Variants in GK5 observed in about 807,000 individuals in gnomAD.
GK5 encodes ATP:glycerol 3-phosphotransferase 5.
GK5 carries 39 observed loss-of-function variants against 77.3 expected under a neutral mutation model. The observed-to-expected ratio is 0.50, with a 90% CI of 0.39 to 0.66. The LOEUF (loss-of-function observed/expected upper bound fraction) is 0.66, where lower values mean the gene tolerates loss of function less well. Ranked by LOEUF, GK5 falls within the 30% of genes least tolerant of loss-of-function variation. GK5 has a pLI of 0.00. For missense variants in GK5, 487 were observed against 633.8 expected (o/e 0.77, Z 2.49); for synonymous variants, 211 against 208.0 (o/e 1.01, Z -0.13).
In GK5 at chr3:142,161,630, T is replaced by C. The variant is rs1436440742; in HGVS notation, c.*3992A>G. 6.6e-6 allele frequency: 1 copy of C among 152,156 alleles called. No individual in the cohort carries two copies. The highest frequency in any genetic ancestry group is 1.5e-5 in the Non-Finnish European group (1 of 68,038). The allele number at this position is 152,156 out of a possible 1,614,324, so 9.4% of individuals were successfully genotyped here. On this transcript the variant is annotated 3_prime_UTR_variant, in exon 16 of 16. Coordinates refer to ENST00000392993, the MANE Select transcript of GK5 (RefSeq NM_001039547.3). Reference sequence around the variant, plus strand: ...GATTAAAGAGAATGATGATCTCCTTTGTTCAGAGATAAAAAGGAAGCAAAA... The same window carrying C: ...GATTAAAGAGAATGATGATCTCCTTCGTTCAGAGATAAAAAGGAAGCAAAA...
chr3:142,187,604 C>CAA (rs57206350), intron 6 of GK5, 100 bp downstream of exon 6: 1,468 of 656,866 alleles, frequency 2.2e-3, no homozygotes, highest in Non-Finnish European at 2.5e-3. Flanking sequence ...GACCCTAGCT[C>CAA]AAAAAAAAAA....
At chr3:142,212,370 C>T (rs986225817) in intron 3 of GK5, among the ~76,000 whole-genome samples, 15 of 151,844 alleles carry the variant, frequency 9.9e-5, no homozygotes, top group Admixed American at 3.3e-4. Context: ...CCCGTCTCTA[C>T]AAAAAATACA....
chr3:142,187,331 C>T (rs1577122277), intron 6 of GK5, among the ~76,000 whole-genome samples: 1 of 151,798 alleles, frequency 6.6e-6, no homozygotes, highest in Admixed American at 6.6e-5. Context: ...TGACCAGGTG[C>T]AGTGGCTTAC....
Position 142,177,719 on chromosome 3 carries a change from G to C in GK5, c.1049-143C>G, listed in dbSNP as rs1240691625. On this transcript the variant is annotated intron_variant, in intron 11 of 15. Coordinates refer to ENST00000392993, the MANE Select transcript of GK5 (RefSeq NM_001039547.3). ...ATGTAAAAGATTGCTCACTTAAAAG[G>C]GTCAGCACAAAGACCATTCTGTTCT... The C allele has an allele frequency of 6.6e-6, 4 of 608,868 alleles. No individual in the cohort carries two copies. In the Admixed American group the frequency reaches 9.0e-5, roughly 14 times the overall value. 37.7% of individuals were successfully genotyped at this position (608,868 alleles called of 1,614,324 possible).
Position 142,185,997 on chromosome 3 carries a change from T to C in GK5, c.756-8A>G. 6.3e-7 allele frequency: 1 copy of C among 1,593,070 alleles called. No individual in the cohort carries two copies. Among genetic ancestry groups the C allele is most frequent in the South Asian group, 1.1e-5 (1 of 89,240 alleles). On this transcript the variant is annotated splice_region_variant and splice_polypyrimidine_tract_variant and intron_variant, in intron 8 of 15. Transcript: ENST00000392993. ...ACTGATCCAAAATTGTGGCTTCAAA[T>C]AAAATTCATTAAAAAGTTAGTTACA...
chr3:142,219,002 C>T (rs984880349), intron 1 of GK5, among the ~76,000 whole-genome samples: 1 of 152,166 alleles, frequency 6.6e-6, no homozygotes, highest in Non-Finnish European at 1.5e-5. Context: ...AGATATTCAG[C>T]ATCATTAGCC....
intron 1 of GK5, among the ~76,000 whole-genome samples, chr3:142,216,050 C>T (rs1027217404): frequency 2.6e-5 from 4 of 152,060 alleles, no homozygotes. Context: ...AAGCACACTC[C>T]ACCCTGTCTC....
intron 1 of GK5, among the ~76,000 whole-genome samples, chr3:142,216,090 C>G (rs1195483051): frequency 1.3e-5 from 2 of 152,150 alleles, no homozygotes; most frequent in African/African-American, 2.4e-5. Flanking sequence ...AACACCTGGA[C>G]AGAATGCATG....
intron 9 of GK5, among the ~76,000 whole-genome samples, chr3:142,184,359 T>G (rs1366465694): frequency 6.6e-6 from 1 of 151,502 alleles, no homozygotes; most frequent in Non-Finnish European, 1.5e-5. Flanking sequence ...TTTGTTTCAT[T>G]CATTAGTCAA....
In GK5 at chr3:142,158,707, T is replaced by C. The variant is rs907258566; in HGVS notation, c.*6915A>G. On this transcript the variant is annotated 3_prime_UTR_variant, in exon 16 of 16. Coordinates refer to ENST00000392993, the MANE Select transcript of GK5 (RefSeq NM_001039547.3). ...ATCTACATTTACCATCTTGTACAAA[T>C]AGGAAAGTTTCTAATAACTTATTAA... is the stretch of plus-strand genomic sequence containing the variant. 12 of 152,562 alleles carry C rather than the reference T, an allele frequency of 7.9e-5. No homozygotes were observed. The highest frequency in any genetic ancestry group is 2.7e-4 in the African/African-American group (11 of 41,430). 9.5% of individuals were successfully genotyped at this position (152,562 alleles called of 1,614,324 possible). A position where few individuals can be genotyped will look rare whatever the true frequency, so the allele number is the denominator to read the frequency against.
At chr3:142,184,130 A>T (rs1230738784) in intron 9 of GK5, among the ~76,000 whole-genome samples, 1 of 151,504 alleles carries the variant, frequency 6.6e-6, no homozygotes, top group Non-Finnish European at 1.5e-5. Flanking sequence ...GCGTGGTGGC[A>T]GGTGCCTGTA....
At chr3:142,173,572 T>C (rs2063567872) in intron 12 of GK5, among the ~76,000 whole-genome samples, 1 of 152,106 alleles carries the variant, frequency 6.6e-6, no homozygotes, top group African/African-American at 2.4e-5. Context: ...TAGTCCCAGC[T>C]GCTCGGGAGG....
intron 1 of GK5, among the ~76,000 whole-genome samples, chr3:142,224,719 A>C (rs1404206877): frequency 2.0e-5 from 3 of 152,206 alleles, no homozygotes; most frequent in Admixed American, 6.5e-5. Context: ...TCAGTTGCTC[A>C]CGTAAGGAAC....
At chr3:142,193,005 G>A (rs990299428) in intron 5 of GK5, among the ~76,000 whole-genome samples, 1 of 152,134 alleles carries the variant, frequency 6.6e-6, no homozygotes, top group Non-Finnish European at 1.5e-5. Context: ...CCAGGGTTCA[G>A]AAAGAGATGT....
chr3:142,165,732 G>T lies in GK5; in HGVS notation c.1480C>A (p.Gln494Lys). The T allele has an allele frequency of 1.2e-6, 2 of 1,612,078 alleles. No homozygotes were observed. Among genetic ancestry groups the T allele is most frequent in the Non-Finnish European group, 1.7e-6 (2 of 1,178,948 alleles). Reference protein sequence around the residue: ...TDKEELKKLRQSEVVFKPQKK... With the variant: ...TDKEELKKLRKSEVVFKPQKK... The stretch of plus-strand genomic sequence containing the variant: ...TGTGGCTTGAAAACCACTTCACTTT[G>T]TCTCAGTTTCTTTAGTTCCTCCTTG... The change falls in exon 16 of 16, where the codon CAA becomes AAA. Residue 494 changes from glutamine to lysine, a missense_variant. Physicochemically the swap from Gln to Lys is moderately conservative, Grantham distance 53. Around this residue, in one of 4 missense-constraint regions of GK5, gnomAD observed 65 missense variants for 89.9 expected, o/e 0.72. Transcript: ENST00000392993.
chr3:142,187,335 G>A (rs1284110770), intron 6 of GK5, among the ~76,000 whole-genome samples: 4 of 151,990 alleles, frequency 2.6e-5, no homozygotes, highest in African/African-American at 7.3e-5. Flanking sequence ...CAGGTGCAGT[G>A]GCTTACGCCT....
intron 5 of GK5, among the ~76,000 whole-genome samples, chr3:142,197,833 G>A (rs879672795): frequency 3.9e-5 from 6 of 151,916 alleles, no homozygotes; most frequent in Non-Finnish European, 7.4e-5. Flanking sequence ...GACCAGCCTG[G>A]ACAACATGGT....
intron 5 of GK5, among the ~76,000 whole-genome samples, chr3:142,190,592 C>T (rs2063834776): frequency 6.6e-6 from 1 of 152,144 alleles, no homozygotes; most frequent in African/African-American, 2.4e-5. Flanking sequence ...ATAAAACACA[C>T]TAAACCTAGA....
chr3:142,194,567 C>T (rs1219447739), intron 5 of GK5, among the ~76,000 whole-genome samples: 2 of 151,738 alleles, frequency 1.3e-5, no homozygotes, highest in African/African-American at 2.4e-5. Flanking sequence ...TGGTGTGCGC[C>T]TGTAGTCCCA....
Sources: allele counts gnomAD v4.1 joint callset (sites outside exome capture counted in the v4.1 genomes callset), GRCh38; gene constraint gnomAD v4.1.1; regional missense constraint gnomAD v4.1.1; transcripts MANE v1.5; gene names NCBI Gene and HGNC (gene_info 2026-07-23, HGNC 2026-07-21).